RHBDD1: variants seen among roughly 807,000 people sequenced by gnomAD.
The protein encoded by RHBDD1 is rhomboid domain containing 1.
Under a neutral mutation model 36.3 loss-of-function variants are expected in RHBDD1, and 38 were observed. The observed-to-expected ratio is 1.05, with a 90% CI of 0.81 to 1.37. The LOEUF is 1.37. Among genes scored for constraint, RHBDD1 ranks in the 40% most tolerant of loss-of-function variants. The probability of loss-of-function intolerance (pLI) is 0.00; values close to 1 mark genes in which losing one functional copy is unlikely to be tolerated. For missense variants in RHBDD1, 393 were observed against 377.6 expected (o/e 1.04, Z -0.34); for synonymous variants, 151 against 136.5 (o/e 1.11, Z -0.74).
At chr2:226,981,257 C>T (rs1001479210) in intron 8 of RHBDD1, among the ~76,000 whole-genome samples, 1 of 152,094 alleles carries the variant, frequency 6.6e-6, no homozygotes, top group Non-Finnish European at 1.5e-5. Context: ...GGGAGAAATA[C>T]CTAATGTAAA....
chr2:226,983,356 C>T (rs541290292), intron 8 of RHBDD1, among the ~76,000 whole-genome samples: 11 of 152,194 alleles, frequency 7.2e-5, no homozygotes, highest in African/African-American at 2.2e-4. Context: ...GAATGTGGCA[C>T]GGAAGTATTG....
intron 5 of RHBDD1, among the ~76,000 whole-genome samples, chr2:226,899,838 A>G (rs954859162): frequency 6.6e-6 from 1 of 152,226 alleles, no homozygotes; most frequent in African/African-American, 2.4e-5. Flanking sequence ...CAAGGAGGAA[A>G]CTGAACCCAG....
intron 8 of RHBDD1, among the ~76,000 whole-genome samples, chr2:226,944,492 C>G (rs747547622): frequency 2.0e-5 from 3 of 152,130 alleles, no homozygotes; most frequent in Non-Finnish European, 4.4e-5. Context: ...CAGGAGCACT[C>G]TCCTTAAAAA....
chr2:226,826,917 A>T, the RHBDD1 span, among the ~76,000 whole-genome samples: 1 of 152,228 alleles, frequency 6.6e-6, no homozygotes, highest in Non-Finnish European at 1.5e-5. Flanking sequence ...AGAAAAGATC[A>T]TTATAAGAAT....
At chr2:226,848,146 TAAC>T (rs1012300232) in intron 3 of RHBDD1, among the ~76,000 whole-genome samples, 1 of 152,242 alleles carries the variant, frequency 6.6e-6, no homozygotes, top group African/African-American at 2.4e-5. Context: ...GTGACTGTGA[TAAC>T]AATTACCAAA....
At chr2:226,933,165 C>T (rs1010170523) in intron 8 of RHBDD1, among the ~76,000 whole-genome samples, 7 of 152,050 alleles carry the variant, frequency 4.6e-5, no homozygotes, top group Non-Finnish European at 7.4e-5. Context: ...TAATTACCAC[C>T]GTGTGGGGAT....
chr2:226,943,106 G>A (rs982132726), intron 8 of RHBDD1, among the ~76,000 whole-genome samples: 2 of 152,154 alleles, frequency 1.3e-5, no homozygotes, highest in Non-Finnish European at 2.9e-5. Context: ...AGGTGGTCTA[G>A]TGTCATCTCA....
intron 3 of RHBDD1, among the ~76,000 whole-genome samples, chr2:226,853,741 A>G (rs1943059341): frequency 6.6e-6 from 1 of 152,238 alleles, no homozygotes; most frequent in Non-Finnish European, 1.5e-5. Flanking sequence ...TCTTGTGGTG[A>G]GAGAGTCCAT....
At chr2:226,819,752 T>A in the RHBDD1 span, among the ~76,000 whole-genome samples, 1 of 152,194 alleles carries the variant, frequency 6.6e-6, no homozygotes, top group East Asian at 1.9e-4. Flanking sequence ...AAAAATATAG[T>A]TTAAAATATT....
chr2:226,913,590 A>G (rs1026414961), intron 7 of RHBDD1, among the ~76,000 whole-genome samples: 5 of 152,252 alleles, frequency 3.3e-5, no homozygotes, highest in Admixed American at 2.6e-4. Context: ...TGACTAGGTT[A>G]TCTCTTCTCT....
At chr2:226,959,394 C>T (rs1240540319) in intron 8 of RHBDD1, among the ~76,000 whole-genome samples, 1 of 152,178 alleles carries the variant, frequency 6.6e-6, no homozygotes, top group Non-Finnish European at 1.5e-5. Flanking sequence ...ATTCATCTGC[C>T]TCTTAGTAAT....
intron 8 of RHBDD1, among the ~76,000 whole-genome samples, chr2:226,945,319 G>T (rs974829341): frequency 6.6e-6 from 1 of 151,650 alleles, no homozygotes; most frequent in African/African-American, 2.4e-5. Flanking sequence ...AGCCTCCCAC[G>T]CCCTGACAGG....
At chr2:226,861,478 T>C (rs778503786) in intron 3 of RHBDD1, among the ~76,000 whole-genome samples, 49 of 152,320 alleles carry the variant, frequency 3.2e-4, no homozygotes, top group Middle Eastern at 6.8e-3. Flanking sequence ...TGTCCTTTTA[T>C]CTATATTCTT....
In RHBDD1 at chr2:226,948,606, A is replaced by AT. The variant is rs796119745; in HGVS notation, c.856+34255_856+34256insT. Among the ~76,000 whole-genome samples, 89 of 151,150 alleles carry AT rather than the reference A, an allele frequency of 5.9e-4. No individual in the cohort carries two copies. The East Asian group carries it at 9.7e-3, about 16-fold the overall frequency. On this transcript the variant is annotated intron_variant, in intron 8 of 8. Transcript: ENST00000392062. The stretch of plus-strand genomic sequence containing the variant: ...AAAAACGAAAAAAATAAAAATAAAA[A>AT]AAAATAAAATAAACTAGGTATTGAA...
In RHBDD1 at chr2:226,855,822, A is replaced by G. The variant is rs78609859; in HGVS notation, c.-90-8782A>G. ...AGACGAGATTCCCATTACCATCCTA[A>G]TATAATTTGATTCCAGTTTTTATTT... On this transcript the variant is annotated intron_variant, in intron 3 of 8. Transcript: ENST00000392062. 6.1e-3 allele frequency among the ~76,000 whole-genome samples: 923 copies of G among 152,326 alleles called. 8 individuals are homozygous for G. Among genetic ancestry groups the G allele is most frequent in the African/African-American group, 0.021 (876 of 41,562 alleles).
intron 5 of RHBDD1, among the ~76,000 whole-genome samples, chr2:226,892,617 ATAAG>A (rs1488926739): frequency 4.6e-5 from 7 of 152,054 alleles, no homozygotes; most frequent in Non-Finnish European, 8.8e-5. Flanking sequence ...GTAGAATAGA[ATAAG>A]TAAGACCAAC....
intron 8 of RHBDD1, among the ~76,000 whole-genome samples, chr2:226,942,097 T>C (rs1365275734): frequency 6.6e-6 from 1 of 152,150 alleles, no homozygotes; most frequent in Non-Finnish European, 1.5e-5. Flanking sequence ...AAAAAGTATA[T>C]CTAGGCTGCT....
chr2:226,863,578 A>G (rs1053102957), intron 3 of RHBDD1, among the ~76,000 whole-genome samples: 1 of 152,164 alleles, frequency 6.6e-6, no homozygotes, highest in South Asian at 2.1e-4. Context: ...TCAGCTAGAC[A>G]GCTTCACCTC....
intron 8 of RHBDD1, among the ~76,000 whole-genome samples, chr2:226,970,418 C>G (rs979538470): frequency 6.6e-6 from 1 of 152,066 alleles, no homozygotes; most frequent in African/African-American, 2.4e-5. Context: ...TAACCTTTGT[C>G]TCATGATATG....
Sources: allele counts gnomAD v4.1 joint callset (sites outside exome capture counted in the v4.1 genomes callset), GRCh38; gene constraint gnomAD v4.1.1; transcripts MANE v1.5; gene names NCBI Gene and HGNC (gene_info 2026-07-23, HGNC 2026-07-21).